BPIFB1: variants seen among roughly 807,000 people sequenced by gnomAD.
BPIFB1 encodes the protein BPI fold-containing family B member 1.
BPIFB1 carries 34 observed loss-of-function variants against 55.1 expected under a neutral mutation model. The ratio of observed to expected loss-of-function variants is 0.62; its 90% CI spans 0.47 to 0.82. The LOEUF (loss-of-function observed/expected upper bound fraction) is 0.82. Among genes scored for constraint, BPIFB1 ranks in the 40% least tolerant of loss-of-function variants. The pLI, the probability that BPIFB1 is intolerant of heterozygous loss-of-function variation, is 0.00. For missense variants in BPIFB1, 532 were observed against 593.1 expected, an observed-to-expected ratio of 0.90 and a Z score of 1.07; for synonymous variants, 236 against 245.3, an observed-to-expected ratio of 0.96 and a Z score of 0.35.
At chr20:33,285,025 C>T (rs1012673024) in intron 1 of BPIFB1, among the ~76,000 whole-genome samples, 2 of 152,156 alleles carry the variant, frequency 1.3e-5, no homozygotes, top group African/African-American at 2.4e-5. Context: ...TCCTTCCTGC[C>T]TCCAACCTTC....
rs1392179949 is a variant in BPIFB1, at chr20:33,291,894, T to C, written c.516-13T>C. 2 of 1,612,490 alleles carry C rather than the reference T, an allele frequency of 1.2e-6. No individual in the cohort carries two copies. The highest frequency in any genetic ancestry group is 3.3e-5 in the Admixed American group (2 of 60,024). On this transcript the variant is annotated splice_polypyrimidine_tract_variant and intron_variant, in intron 5 of 15. Transcript: ENST00000253354. ...ACCCTTCCTAATGTCTCTCGTGCTC[T>C]CTTCCCTGAAAGGCTCTCCTTCCTG...
rs1471172379 is a variant in BPIFB1 at position 33,299,975 on chromosome 20, C to G, written c.738C>G (p.Leu246=). 2.5e-6 allele frequency: 4 copies of G among 1,613,974 alleles called. No homozygotes were observed. Among genetic ancestry groups the G allele is most frequent in the Non-Finnish European group, 3.4e-6 (4 of 1,179,960 alleles). The part of the protein sequence containing the change: ...YPAIKGDTIQ[L]YLGAKLLDSQ... The stretch of plus-strand genomic sequence containing the variant: ...CCATCAAGGGTGACACCATTCAGCT[C>G]TACCTGGGGGTGAGTGTCCCAGGAC... Residue 246 remains leucine, a synonymous_variant, in exon 8 of 16, where the codon CTC becomes CTG. Transcript: ENST00000253354.
In BPIFB1 at chr20:33,301,334, C is replaced by T. The variant is rs768068633; in HGVS notation, c.849C>T (p.Ile283=). ...TGGACAACATCCCGTTCAGCCTCAT[C>T]GTGAGTCAGGACGTGGTGAAAGCTG... ...PTLDNIPFSL[I]VSQDVVKAAV... The change falls in exon 9 of 16, where the codon ATC becomes ATT. Residue 283 remains isoleucine (I), a synonymous_variant. Coordinates refer to ENST00000253354, the MANE Select transcript of BPIFB1 (RefSeq NM_033197.3). 4.3e-6 allele frequency: 7 copies of T among 1,614,226 alleles called. No homozygotes were observed. Among genetic ancestry groups the T allele is most frequent in the Middle Eastern group, 1.7e-4 (1 of 6,050 alleles).
chr20:33,288,968 G>A (rs1236426146), intron 3 of BPIFB1, 86 bp downstream of exon 3: 2 of 1,438,120 alleles, frequency 1.4e-6, no homozygotes, highest in South Asian at 2.7e-5. Flanking sequence ...CAACCAGTCT[G>A]CAAGCATCGA....
At chr20:33,289,236 C>A (rs1344002627) in intron 3 of BPIFB1, among the ~76,000 whole-genome samples, 2 of 152,022 alleles carry the variant, frequency 1.3e-5, no homozygotes, top group African/African-American at 2.4e-5. Context: ...TAAAAATTAG[C>A]CAGGCATGGT....
Position 33,293,484 on chromosome 20 carries a change from C to G in BPIFB1, c.597+1496C>G, listed in dbSNP as rs1038570499. Among the ~76,000 whole-genome samples the G allele has an allele frequency of 2.0e-5, 3 of 152,216 alleles. No individual in the cohort carries two copies. In the South Asian group the frequency reaches 6.2e-4, roughly 32 times the overall value. On this transcript the variant is annotated intron_variant, in intron 6 of 15. Coordinates refer to ENST00000253354, the MANE Select transcript of BPIFB1 (RefSeq NM_033197.3). Reference sequence around the variant, plus strand: ...AATTTACGAAAACATTCCAGCAAATCCTTTTTTAAATAATGTGATTTTATT... The same window carrying G: ...AATTTACGAAAACATTCCAGCAAATGCTTTTTTAAATAATGTGATTTTATT...
Position 33,303,970 on chromosome 20 carries a change from G to T in BPIFB1, c.1153G>T (p.Glu385Ter), listed in dbSNP as rs757546946. The T allele has an allele frequency of 1.2e-6, 2 of 1,613,956 alleles. No individual in the cohort carries two copies. The highest frequency in any genetic ancestry group is 4.5e-5 in the East Asian group (2 of 44,886). The change falls in exon 12 of 16, where the codon GAA (glutamate) becomes TAA (stop). Residue 385 changes from glutamate (E) to a stop codon, truncating the protein, a stop_gained. Coordinates refer to ENST00000253354, the MANE Select transcript of BPIFB1 (RefSeq NM_033197.3). LOFTEE classifies it high-confidence loss of function. The part of the protein sequence containing the change: ...LFTLGIEASS[E>*]AQFYTKGDQL... ...TCTCTTGTTGCAGGAAGCCAGCTCG[G>T]AAGCTCAGTTTTACACCAAAGGTGA...
chr20:33,294,138 G>A (rs1299183948), intron 6 of BPIFB1, among the ~76,000 whole-genome samples: 12 of 152,010 alleles, frequency 7.9e-5, no homozygotes, highest in South Asian at 2.1e-4. Context: ...TTTAATAGTC[G>A]AAATATCTAC....
chr20:33,299,468 T>C (rs966643467), intron 7 of BPIFB1, among the ~76,000 whole-genome samples: 3 of 152,152 alleles, frequency 2.0e-5, no homozygotes, highest in African/African-American at 7.2e-5. Context: ...ACCACCTGCA[T>C]GGGGGACGCG....
At chr20:33,286,681 C>T (rs574022557) in intron 2 of BPIFB1, among the ~76,000 whole-genome samples, 4 of 152,200 alleles carry the variant, frequency 2.6e-5, no homozygotes, top group Non-Finnish European at 5.9e-5. Flanking sequence ...GCCTTCCTCA[C>T]TGGGTGGTTG....
intron 8 of BPIFB1, among the ~76,000 whole-genome samples, chr20:33,300,419 A>G (rs1433228786): frequency 3.3e-5 from 5 of 152,210 alleles, no homozygotes; most frequent in African/African-American, 4.8e-5. Context: ...AATGTCAGTA[A>G]TAATGGCCAC....
At chr20:33,307,056 GTGGGGC>G (rs1981054540) in intron 15 of BPIFB1, 69 bp downstream of exon 15, 10 of 1,447,142 alleles carry the variant, frequency 6.9e-6, no homozygotes, top group Non-Finnish European at 9.7e-6. Flanking sequence ...TGGCTGGGAG[GTGGGGC>G]CTGCACTCCA....
chr20:33,301,905 C>T (rs960732332), intron 9 of BPIFB1, among the ~76,000 whole-genome samples: 10 of 152,252 alleles, frequency 6.6e-5, no homozygotes, highest in Admixed American at 4.6e-4. Flanking sequence ...CACCTCCTCC[C>T]GGGTGACTGA....
chr20:33,288,523 C>T (rs1258959135), intron 2 of BPIFB1, among the ~76,000 whole-genome samples: 1 of 152,178 alleles, frequency 6.6e-6, no homozygotes, highest in Admixed American at 6.5e-5. Context: ...AGCCTCGCTC[C>T]TGATGTGAAA....
At position 33,306,918 on chromosome 20, in the gene BPIFB1, A is replaced by C. The variant is rs1441865098; in HGVS notation, c.1326A>C (p.Leu442Phe). The change falls in exon 15 of 16, where the codon TTA becomes TTC. Residue 442 changes from leucine to phenylalanine, a missense_variant. Leu to Phe is a conservative substitution (Grantham distance 22). Transcript: ENST00000253354. ...CCACATTTGTTATTTCAGGCAAATT[A>C]AGATCTGGGGTCCCAGTGTCATTGG... is the stretch of plus-strand genomic sequence containing the variant. Reference protein sequence around the residue: ...SILLPNQNGKLRSGVPVSLVK... With the variant: ...SILLPNQNGKFRSGVPVSLVK... 2 of 1,613,884 alleles carry C rather than the reference A, an allele frequency of 1.2e-6. No individual in the cohort carries two copies. Among genetic ancestry groups the C allele is most frequent in the South Asian group, 2.2e-5 (2 of 91,080 alleles).
At chr20:33,290,574 C>T (rs1224738465) in intron 4 of BPIFB1, among the ~76,000 whole-genome samples, 1 of 152,078 alleles carries the variant, frequency 6.6e-6, no homozygotes, top group Non-Finnish European at 1.5e-5. Context: ...AGAGAGAAGT[C>T]AACGATGACT....
chr20:33,301,239 T>A lies in BPIFB1; in HGVS notation c.754T>A (p.Leu252Met), dbSNP rs761044780. 1 of 1,614,104 alleles carries A rather than the reference T, an allele frequency of 6.2e-7. No homozygotes were observed. Among genetic ancestry groups the A allele is most frequent in the Non-Finnish European group, 8.5e-7 (1 of 1,179,940 alleles). The part of the protein sequence containing the change: ...DTIQLYLGAK[L>M]LDSQGKVTKW... ...CCCTGCTCTGTCTCCTCAGGCCAAG[T>A]TGTTGGACTCACAGGGAAAGGTGAC... The change falls in exon 9 of 16, where the codon TTG becomes ATG. Residue 252 changes from leucine to methionine, a missense_variant. Coordinates refer to ENST00000253354, the MANE Select transcript of BPIFB1 (RefSeq NM_033197.3).
intron 4 of BPIFB1, among the ~76,000 whole-genome samples, chr20:33,290,223 A>G (rs113495351): frequency 1.2e-3 from 184 of 152,282 alleles, no homozygotes; most frequent in African/African-American, 4.0e-3. Flanking sequence ...CCGAGGCCAG[A>G]TCATACAAGG....
Position 33,291,090 on chromosome 20 carries a change from A to G in BPIFB1, c.499A>G (p.Ile167Val). The part of the protein sequence containing the change: ...DCATSHGSLR[I>V]QLLHKLSFLV... The stretch of plus-strand genomic sequence containing the variant: ...TGCCACCAGCCATGGGAGCCTGCGC[A>G]TCCAACTGCTGCATAAGTGAGTGTC... Residue 167 changes from isoleucine (I) to valine (V), a missense_variant, in exon 5 of 16, where the codon ATC becomes GTC. Ile to Val is a conservative substitution (Grantham distance 29). Coordinates refer to ENST00000253354, the MANE Select transcript of BPIFB1 (RefSeq NM_033197.3). 2 of 1,611,924 alleles carry G rather than the reference A, an allele frequency of 1.2e-6. No homozygotes were observed. The highest frequency in any genetic ancestry group is 8.5e-7 in the Non-Finnish European group (1 of 1,180,002).
Sources: gnomAD v4.1 joint callset for allele counts (sites outside exome capture counted in the v4.1 genomes callset) on GRCh38, gnomAD v4.1.1 for gene constraint, MANE v1.5 for transcripts, NCBI Gene and HGNC (gene_info 2026-07-23, HGNC 2026-07-21) for gene names.